Variants in NREP observed in about 807,000 individuals in gnomAD.
NREP encodes neuronal regeneration related protein.
NREP carries 5 observed loss-of-function variants against 8.6 expected under a neutral mutation model. That is an observed-to-expected ratio of 0.58 (90% CI 0.30 to 1.22). The LOEUF (loss-of-function observed/expected upper bound fraction) is 1.22. NREP is among the 50% of genes most tolerant of loss of function. The probability of loss-of-function intolerance (pLI) is 0.07; values close to 1 mark genes in which losing one functional copy is unlikely to be tolerated. For missense variants in NREP, 86 were observed against 82.5 expected (o/e 1.04, Z -0.17); for synonymous variants, 27 against 28.0 (o/e 0.96, Z 0.11).
In NREP at chr5:111,857,232, T is replaced by C. The variant is rs563536408; in HGVS notation, c.135+118042A>G. Among the ~76,000 whole-genome samples the C allele has an allele frequency of 1.4e-4, 22 of 152,292 alleles. No homozygotes were observed. The East Asian group carries it at 3.7e-3, about 25-fold the overall frequency. Reference sequence around the variant, plus strand: ...GTTTGTCACCCCACAGTGTGGGCCATAGCAGCACTATGTCCAGAAGTTTAT... The same window carrying C: ...GTTTGTCACCCCACAGTGTGGGCCACAGCAGCACTATGTCCAGAAGTTTAT... On this transcript the variant is annotated intron_variant, in intron 2 of 3. Coordinates refer to the NREP transcript ENST00000395634.
At chr5:111,935,655 G>C (rs1755662403) in intron 2 of NREP, among the ~76,000 whole-genome samples, 1 of 152,058 alleles carries the variant, frequency 6.6e-6, no homozygotes, top group African/African-American at 2.4e-5. Context: ...TAACTGGTTT[G>C]GGATAAGATT....
intron 2 of NREP, among the ~76,000 whole-genome samples, chr5:111,767,455 G>C (rs749075100): frequency 1.3e-5 from 2 of 152,076 alleles, no homozygotes; most frequent in Non-Finnish European, 2.9e-5. Flanking sequence ...CTACCTGAAG[G>C]ACCCACAAGC....
rs559681871 is a variant in NREP at position 111,879,893 on chromosome 5, T to C, written c.135+95381A>G. 1.4e-4 allele frequency among the ~76,000 whole-genome samples: 21 copies of C among 152,246 alleles called. 1 individual carries two copies. The South Asian group carries it at 4.4e-3, about 32-fold the overall frequency. ...TCTTTTCTTGTAAGGGAACCAATCT[T>C]TTCATGAGGGCCCCATCCTCTTCTA... is the stretch of plus-strand genomic sequence containing the variant. On this transcript the variant is annotated intron_variant, in intron 2 of 3. Coordinates refer to the NREP transcript ENST00000395634.
At chr5:111,831,906 TC>T (rs1752777520) in intron 2 of NREP, among the ~76,000 whole-genome samples, 1 of 151,990 alleles carries the variant, frequency 6.6e-6, no homozygotes, top group Non-Finnish European at 1.5e-5. Flanking sequence ...GGGGTTGACA[TC>T]CCCCACAAGA....
At chr5:111,811,813 G>A (rs978798165) in intron 2 of NREP, among the ~76,000 whole-genome samples, 2 of 152,036 alleles carry the variant, frequency 1.3e-5, no homozygotes, top group African/African-American at 2.4e-5. Flanking sequence ...ATAAATAAGT[G>A]GAAATGATCT....
intron 2 of NREP, among the ~76,000 whole-genome samples, chr5:111,812,206 G>A (rs1222808258): frequency 6.6e-6 from 1 of 152,152 alleles, no homozygotes; most frequent in Non-Finnish European, 1.5e-5. Context: ...AAGACTGCTT[G>A]AGCCTGGGAG....
intron 2 of NREP, among the ~76,000 whole-genome samples, chr5:111,893,452 A>G (rs936596932): frequency 5.3e-5 from 8 of 151,950 alleles, no homozygotes; most frequent in African/African-American, 1.9e-4. Context: ...TATTAGGGTG[A>G]CATTCAAACA....
chr5:111,743,082 A>G (rs1749782138), intron 2 of NREP, among the ~76,000 whole-genome samples: 1 of 152,224 alleles, frequency 6.6e-6, no homozygotes, highest in Non-Finnish European at 1.5e-5. Flanking sequence ...AAAGTAAACC[A>G]GGAGAAAAAG....
intron 2 of NREP, among the ~76,000 whole-genome samples, chr5:111,881,525 C>G (rs990975950): frequency 2.6e-5 from 4 of 152,206 alleles, no homozygotes; most frequent in Non-Finnish European, 4.4e-5. Context: ...CAGACTGCCT[C>G]CTCAAGTGGG....
At chr5:111,745,783 T>A (rs1422985036) in intron 2 of NREP, among the ~76,000 whole-genome samples, 1 of 152,182 alleles carries the variant, frequency 6.6e-6, no homozygotes, top group East Asian at 1.9e-4. Flanking sequence ...TAAACACTTT[T>A]CAGACAAGAG....
At chr5:111,885,452 C>T (rs1312791311) in intron 2 of NREP, among the ~76,000 whole-genome samples, 1 of 151,984 alleles carries the variant, frequency 6.6e-6, no homozygotes, top group Non-Finnish European at 1.5e-5. Context: ...CAATGACTTT[C>T]TTCACAGAAT....
chr5:111,794,790 G>A (rs968787599), intron 2 of NREP, among the ~76,000 whole-genome samples: 9 of 152,150 alleles, frequency 5.9e-5, no homozygotes, highest in Admixed American at 3.3e-4. Context: ...TCCGTAGAAT[G>A]TGCAGCACCA....
intron 2 of NREP, among the ~76,000 whole-genome samples, chr5:111,892,833 C>T (rs756748009): frequency 9.2e-5 from 14 of 152,116 alleles, no homozygotes; most frequent in South Asian, 4.2e-4. Flanking sequence ...ATAAACCCTA[C>T]GAAAATTTGG....
chr5:111,925,178 C>T (rs192552216), intron 2 of NREP, among the ~76,000 whole-genome samples: 36 of 152,192 alleles, frequency 2.4e-4, no homozygotes, highest in Admixed American at 1.7e-3. Context: ...CTGGGCGTAA[C>T]GGCAGTTTGG....
intron 2 of NREP, among the ~76,000 whole-genome samples, chr5:111,931,532 A>G (rs1022787422): frequency 6.6e-6 from 1 of 152,140 alleles, no homozygotes; most frequent in Admixed American, 6.6e-5. Flanking sequence ...CTCTGCCTAC[A>G]TTCTGACTAC....
rs1753230356 is a variant in NREP, at chr5:111,848,393, C to CACAGGATGCTTTT, written c.136-112899_136-112887dup. ...TTTCAATGCTAGCCATTTAGATGCT[C>CACAGGATGCTTTT]ACAGGATGCTTTTGACACTTTCATT... On this transcript the variant is annotated intron_variant, in intron 2 of 3. Transcript: ENST00000395634. Among the ~76,000 whole-genome samples, 7 of 152,086 alleles carry CACAGGATGCTTTT rather than the reference C, an allele frequency of 4.6e-5. No homozygotes were observed. The South Asian group carries it at 1.5e-3, about 32-fold the overall frequency.
chr5:111,851,843 G>T (rs1434684799), intron 2 of NREP, among the ~76,000 whole-genome samples: 1 of 152,088 alleles, frequency 6.6e-6, no homozygotes, highest in Non-Finnish European at 1.5e-5. Context: ...ATTCCATAAT[G>T]AGCATGTATT....
chr5:111,903,918 A>T (rs1373186524), intron 2 of NREP, among the ~76,000 whole-genome samples: 1 of 152,170 alleles, frequency 6.6e-6, no homozygotes, highest in Non-Finnish European at 1.5e-5. Flanking sequence ...TGGTGGTTTT[A>T]CTTTTTTAGA....
At chr5:111,796,375 T>G (rs1751873544) in intron 2 of NREP, among the ~76,000 whole-genome samples, 4 of 152,192 alleles carry the variant, frequency 2.6e-5, no homozygotes, top group Admixed American at 2.6e-4. Flanking sequence ...ATGTACAAAG[T>G]CCCTTTGCCA....
Sources: allele counts gnomAD v4.1 joint callset (sites outside exome capture counted in the v4.1 genomes callset), GRCh38; gene constraint gnomAD v4.1.1; transcripts MANE v1.5; gene names NCBI Gene and HGNC (gene_info 2026-07-23, HGNC 2026-07-21).